Variants in CSMD1 observed in about 807,000 individuals in gnomAD.
The protein encoded by CSMD1 is CUB and sushi domain-containing protein 1.
Under a neutral mutation model 417.5 loss-of-function variants are expected in CSMD1, and 213 were observed. The ratio of observed to expected loss-of-function variants is 0.51; its 90% CI spans 0.46 to 0.57. CSMD1 has a LOEUF of 0.57. Among genes scored for constraint, CSMD1 ranks in the 20% least tolerant of loss-of-function variants. The pLI, the probability that CSMD1 is intolerant of heterozygous loss-of-function variation, is 0.00. For synonymous variants in CSMD1, 2,862 were observed against 1,736.8 expected, an observed-to-expected ratio of 1.65 and a Z score of -16.11; for missense variants, 6,923 against 4,529.7, an observed-to-expected ratio of 1.53 and a Z score of -15.17.
chr8:4,278,410 G>C (rs141159686), intron 3 of CSMD1, among the ~76,000 whole-genome samples: 22 of 152,252 alleles, frequency 1.4e-4, no homozygotes, highest in African/African-American at 4.8e-4. Context: ...TACATATTGA[G>C]CCACATGATA....
chr8:3,889,494 A>ATATATATAT (rs1554475387), intron 5 of CSMD1, among the ~76,000 whole-genome samples: 645 of 38,410 alleles, frequency 0.017, 86 homozygotes, highest in Non-Finnish European at 0.021. Flanking sequence ...TATATATATA[A>ATATATATAT]AATATGCTCA....
intron 2 of CSMD1, among the ~76,000 whole-genome samples, chr8:4,566,541 T>G (rs1798616822): frequency 6.7e-6 from 1 of 150,234 alleles, no homozygotes; most frequent in African/African-American, 2.5e-5. Flanking sequence ...CAGTCCCACC[T>G]ACTCGGGAGG....
chr8:3,028,896 C>T (rs985985037), intron 51 of CSMD1, among the ~76,000 whole-genome samples: 2 of 152,098 alleles, frequency 1.3e-5, no homozygotes, highest in African/African-American at 4.8e-5. Context: ...TTATCTTGTA[C>T]CTAAGAGAAT....
chr8:4,611,431 C>A (rs180987498), intron 2 of CSMD1, among the ~76,000 whole-genome samples: 1 of 152,154 alleles, frequency 6.6e-6, no homozygotes, highest in African/African-American at 2.4e-5. Context: ...AACTCCACTG[C>A]CATAAACATT....
intron 10 of CSMD1, among the ~76,000 whole-genome samples, chr8:3,542,259 C>T: frequency 6.6e-6 from 1 of 152,166 alleles, no homozygotes; most frequent in East Asian, 1.9e-4. Context: ...AAATTCTTTA[C>T]TCTTTTATGT....
At chr8:3,914,239 G>A (rs1808651938) in intron 5 of CSMD1, among the ~76,000 whole-genome samples, 1 of 152,132 alleles carries the variant, frequency 6.6e-6, no homozygotes, top group African/African-American at 2.4e-5. Flanking sequence ...CTAGAATAGA[G>A]TAGATAAGAG....
chr8:4,307,678 T>C (rs947336749), intron 3 of CSMD1, among the ~76,000 whole-genome samples: 2 of 152,142 alleles, frequency 1.3e-5, no homozygotes, highest in East Asian at 1.9e-4. Flanking sequence ...TACAAATTTG[T>C]TGGTGACTTT....
intron 3 of CSMD1, among the ~76,000 whole-genome samples, chr8:4,353,193 G>A (rs1371302615): frequency 1.3e-5 from 2 of 152,180 alleles, no homozygotes; most frequent in African/African-American, 2.4e-5. Context: ...CGTGTCAAGT[G>A]TGGAGCCAGG....
chr8:4,243,848 G>C (rs1404981114), intron 3 of CSMD1, among the ~76,000 whole-genome samples: 1 of 152,134 alleles, frequency 6.6e-6, no homozygotes, highest in African/African-American at 2.4e-5. Flanking sequence ...AAACAGAGTA[G>C]GGACTGTGTT....
At chr8:4,062,405 G>A (rs567665948) in intron 3 of CSMD1, among the ~76,000 whole-genome samples, 4 of 151,934 alleles carry the variant, frequency 2.6e-5, no homozygotes, top group South Asian at 2.1e-4. Context: ...GAGACCAATC[G>A]GTTGTACATA....
chr8:3,213,118 G>A (rs1269478626), intron 30 of CSMD1, among the ~76,000 whole-genome samples: 6 of 152,014 alleles, frequency 3.9e-5, no homozygotes, highest in East Asian at 3.9e-4. Context: ...TGAGCCACGC[G>A]CCCAGTCTCT....
At chr8:3,586,917 A>G (rs1436167086) in intron 8 of CSMD1, among the ~76,000 whole-genome samples, 1 of 152,144 alleles carries the variant, frequency 6.6e-6, no homozygotes, top group Non-Finnish European at 1.5e-5. Flanking sequence ...CTCCTGCCTC[A>G]GCCTCCTGAG....
At position 4,267,762 on chromosome 8, in the gene CSMD1, C is replaced by G. The variant is rs577807935; in HGVS notation, c.415+152191G>C. On this transcript the variant is annotated intron_variant, in intron 3 of 69. Transcript: ENST00000635120. Reference sequence around the variant, plus strand: ...AATTGTAAGGTGCCACTCTTAGCATCAGAATGCATATTTTATATTGAACAA... The same window carrying G: ...AATTGTAAGGTGCCACTCTTAGCATGAGAATGCATATTTTATATTGAACAA... 1.2e-4 allele frequency among the ~76,000 whole-genome samples: 19 copies of G among 152,194 alleles called. No homozygotes were observed. The South Asian group carries it at 3.5e-3, about 28-fold the overall frequency.
chr8:3,277,838 C>A (rs145754502), intron 26 of CSMD1, among the ~76,000 whole-genome samples: 19 of 152,216 alleles, frequency 1.2e-4, no homozygotes, highest in Non-Finnish European at 2.4e-4. Context: ...GAATTATGTC[C>A]AAGGGTTACA....
At position 4,516,219 on chromosome 8, in the gene CSMD1, G is replaced by A. The variant is rs186086342; in HGVS notation, c.303-96154C>T. On this transcript the variant is annotated intron_variant, in intron 2 of 69. Coordinates refer to ENST00000635120, the MANE Select transcript of CSMD1 (RefSeq NM_033225.6). Reference sequence around the variant, plus strand: ...AGAACCCAGACACACACAGAGGGAAGACCACGTGAGGACCCAGAGAGAAGG... The same window carrying A: ...AGAACCCAGACACACACAGAGGGAAAACCACGTGAGGACCCAGAGAGAAGG... Among the ~76,000 whole-genome samples, 37 of 152,244 alleles carry A rather than the reference G, an allele frequency of 2.4e-4. No homozygotes were observed. The East Asian group carries it at 4.7e-3, about 19-fold the overall frequency.
At chr8:4,134,879 C>G (rs1803323166) in intron 3 of CSMD1, among the ~76,000 whole-genome samples, 1 of 152,178 alleles carries the variant, frequency 6.6e-6, no homozygotes, top group Admixed American at 6.5e-5. Flanking sequence ...AATAAAGTTA[C>G]ACAAATTGCT....
chr8:2,964,464 G>A (rs755407466), intron 59 of CSMD1, among the ~76,000 whole-genome samples: 5 of 152,230 alleles, frequency 3.3e-5, no homozygotes, highest in Non-Finnish European at 5.9e-5. Flanking sequence ...GGGGGCAGGG[G>A]GAATGGGAGG....
chr8:4,033,784 G>A (rs1049697699), intron 3 of CSMD1, among the ~76,000 whole-genome samples: 1 of 152,170 alleles, frequency 6.6e-6, no homozygotes, highest in Non-Finnish European at 1.5e-5. Flanking sequence ...CTTTTTCCTT[G>A]ATATGATTCT....
intron 1 of CSMD1, among the ~76,000 whole-genome samples, chr8:4,782,615 T>C (rs1243120598): frequency 6.6e-6 from 1 of 152,184 alleles, no homozygotes; most frequent in Non-Finnish European, 1.5e-5. Flanking sequence ...GAAAATAAAC[T>C]CTGCATGTAC....
Sources: allele counts gnomAD v4.1 joint callset (sites outside exome capture counted in the v4.1 genomes callset), GRCh38; gene constraint gnomAD v4.1.1; transcripts MANE v1.5; gene names NCBI Gene and HGNC (gene_info 2026-07-23, HGNC 2026-07-21).